The following UBE2F variants were observed in gnomAD, a reference collection of about 807,000 sequenced individuals.
UBE2F encodes the protein NEDD8-conjugating enzyme UBE2F.
Under a neutral mutation model 29.6 loss-of-function variants are expected in UBE2F, and 5 were observed. The ratio of observed to expected loss-of-function variants is 0.17; its 90% CI spans 0.09 to 0.36. The LOEUF (loss-of-function observed/expected upper bound fraction) is 0.36, where lower values mean the gene tolerates loss of function less well. Ranked by LOEUF, UBE2F falls within the 10% of genes least tolerant of loss-of-function variation. UBE2F has a pLI of 1.00. For synonymous variants in UBE2F, 66 were observed against 81.8 expected (o/e 0.81, Z 1.04); for missense variants, 141 against 228.5 (o/e 0.62, Z 2.47).
At chr2:238,026,724 C>T (rs374662347) in intron 6 of UBE2F, among the ~76,000 whole-genome samples, 1 of 152,180 alleles carries the variant, frequency 6.6e-6, no homozygotes, top group African/African-American at 2.4e-5. Flanking sequence ...TGAGCCACCG[C>T]GCCGGGCCGG....
At chr2:237,972,994 A>T (rs1388097404) in intron 1 of UBE2F, 98 bp from the exon 2 acceptor site, 59 of 1,381,318 alleles carry the variant, frequency 4.3e-5, no homozygotes, top group Non-Finnish European at 5.5e-5. Context: ...AAATTGTGGG[A>T]AAAAATCAAA....
Position 237,987,852 on chromosome 2 carries a change from C to CATTTTT in UBE2F, c.119-111_119-110insATTTTT, listed in dbSNP as rs59213280. The CATTTTT allele has an allele frequency of 6.1e-4, 319 of 519,796 alleles. 71 individuals carry two copies. Among genetic ancestry groups the CATTTTT allele is most frequent in the African/African-American group, 1.7e-3 (78 of 46,556 alleles). The allele number at this position is 519,796 out of a possible 1,614,324, so 32.2% of individuals were successfully genotyped here. ...TAGACCAGGTTTTATTCAGTTCATC[C>CATTTTT]TTTTTTTTTTTTTTTTGATTCAGTG... On this transcript the variant is annotated intron_variant, in intron 2 of 9. Coordinates refer to ENST00000272930, the MANE Select transcript of UBE2F (RefSeq NM_080678.3).
In UBE2F at chr2:238,030,480, C is replaced by T. The variant is rs911169655; in HGVS notation, c.354-76C>T. Reference sequence around the variant, plus strand: ...AAGTAGAGCTCCTGCATGGCACACACCGAGAGGACTAGTTGGCAGCGTGCA... The same window carrying T: ...AAGTAGAGCTCCTGCATGGCACACATCGAGAGGACTAGTTGGCAGCGTGCA... On this transcript the variant is annotated intron_variant, in intron 6 of 9. Transcript: ENST00000272930. 1.0e-4 allele frequency: 101 copies of T among 1,007,164 alleles called. 2 individuals are homozygous for T. In the African/African-American group the frequency reaches 1.6e-3, roughly 16 times the overall value. The allele number at this position is 1,007,164 out of a possible 1,614,324, so 62.4% of individuals were successfully genotyped here.
intron 4 of UBE2F, among the ~76,000 whole-genome samples, chr2:238,006,515 T>G (rs892647555): frequency 1.3e-5 from 2 of 152,248 alleles, no homozygotes; most frequent in African/African-American, 4.8e-5. Flanking sequence ...TTTTGTATAG[T>G]GACCTTGTGT....
intron 3 of UBE2F, among the ~76,000 whole-genome samples, chr2:237,991,605 C>CTTTTTTTTT (rs1559207747): frequency 1.6e-4 from 4 of 24,984 alleles, no homozygotes; most frequent in Non-Finnish European, 2.3e-4. Flanking sequence ...TCTTTTCTTT[C>CTTTTTTTTT]TTTCTTTTTT....
chr2:237,999,770 A>G (rs4663827), intron 4 of UBE2F, among the ~76,000 whole-genome samples: 63,305 of 150,884 alleles, frequency 0.42, 13,535 homozygotes, highest in East Asian at 0.71. Context: ...TCGTAGCTTT[A>G]TATAGTACTT....
rs1261731965 is a variant in UBE2F at position 238,041,718 on chromosome 2, T to G, written c.*380T>G. On this transcript the variant is annotated 3_prime_UTR_variant, in exon 10 of 10. Coordinates refer to ENST00000272930, the MANE Select transcript of UBE2F (RefSeq NM_080678.3). The stretch of plus-strand genomic sequence containing the variant: ...TGGTTTTCTGCACAAGCGATGCTAA[T>G]GATGTGTTCAGTGTAACTCGCAGAT... 2 of 199,572 alleles carry G rather than the reference T, an allele frequency of 1.0e-5. No homozygotes were observed. The highest frequency in any genetic ancestry group is 4.7e-5 in the African/African-American group (2 of 42,826). 12.4% of individuals were successfully genotyped at this position (199,572 alleles called of 1,614,324 possible).
At chr2:238,025,834 GT>G (rs2064414458) in intron 6 of UBE2F, among the ~76,000 whole-genome samples, 1 of 152,208 alleles carries the variant, frequency 6.6e-6, no homozygotes, top group African/African-American at 2.4e-5. Flanking sequence ...TTGGGCACTT[GT>G]ATTTAAGCTG....
chr2:238,038,524 T>C (rs1035554100), intron 9 of UBE2F, among the ~76,000 whole-genome samples: 2 of 152,206 alleles, frequency 1.3e-5, no homozygotes, highest in African/African-American at 4.8e-5. Context: ...GACTAGCCCT[T>C]GTGGACCAAG....
In UBE2F at chr2:237,982,028, T is replaced by C. The variant is rs1324889013; in HGVS notation, c.119-5935T>C. 6.6e-6 allele frequency among the ~76,000 whole-genome samples: 1 copy of C among 152,124 alleles called. No homozygotes were observed. The highest frequency in any genetic ancestry group is 1.9e-4 in the East Asian group (1 of 5,196). On this transcript the variant is annotated intron_variant, in intron 2 of 9. Transcript: ENST00000272930. The surrounding 1 kb of genome is among the most constrained non-coding windows in gnomAD (Gnocchi z 4.1). Reference sequence around the variant, plus strand: ...TTTTAAAAGCTCAGCAGGTACTGGATTGTGGTAATGGATCCATAGCTCCAA... The same window carrying C: ...TTTTAAAAGCTCAGCAGGTACTGGACTGTGGTAATGGATCCATAGCTCCAA...
At chr2:238,025,227 C>T in intron 5 of UBE2F, 115 bp from the exon 6 acceptor site, 1 of 869,148 alleles carries the variant, frequency 1.2e-6, no homozygotes, top group Non-Finnish European at 1.9e-6. Context: ...TCAAACTGCA[C>T]ACTGAGTCAG....
intron 9 of UBE2F, among the ~76,000 whole-genome samples, 181 bp from the exon 10 acceptor site, chr2:238,041,107 G>C (rs1182724750): frequency 1.3e-5 from 2 of 152,158 alleles, no homozygotes; most frequent in Non-Finnish European, 2.9e-5. Context: ...CTTGCGTGCA[G>C]TAGGCACCCA....
At chr2:237,992,882 G>C (rs2063618652) in intron 3 of UBE2F, among the ~76,000 whole-genome samples, 1 of 151,834 alleles carries the variant, frequency 6.6e-6, no homozygotes, top group Admixed American at 6.6e-5. Context: ...GGTGGAACTT[G>C]TAAGAAAACT....
In UBE2F at chr2:237,967,303, G is replaced by T. The variant is rs1164694350; in HGVS notation, c.-17+171G>T. 2.7e-5 allele frequency among the ~76,000 whole-genome samples: 4 copies of T among 146,430 alleles called. No homozygotes were observed. The highest frequency in any genetic ancestry group is 6.1e-5 in the Non-Finnish European group (4 of 65,858). ...GGGCACCCGGACGCGAGGCCGAGCG[G>T]CGTGAATGGGAAGGGGCCGCGGGCC... On this transcript the variant is annotated intron_variant, in intron 1 of 9. Transcript: ENST00000272930. The surrounding 1 kb of genome is among the most constrained non-coding windows in gnomAD (Gnocchi z 6.3).
intron 6 of UBE2F, 126 bp downstream of exon 6, chr2:238,025,538 C>T (rs1268975690): frequency 2.7e-5 from 23 of 854,498 alleles, no homozygotes; most frequent in Non-Finnish European, 4.0e-5. Context: ...GGCTTGAACT[C>T]AGCTGAAGTA....
chr2:237,995,643 G>T (rs979238941), intron 4 of UBE2F, among the ~76,000 whole-genome samples: 13 of 152,184 alleles, frequency 8.5e-5, no homozygotes, highest in Non-Finnish European at 1.8e-4. Flanking sequence ...CAGGATTTTG[G>T]TAGGTGGCAA....
At chr2:238,009,235 A>G (rs2063966099) in intron 4 of UBE2F, among the ~76,000 whole-genome samples, 1 of 152,180 alleles carries the variant, frequency 6.6e-6, no homozygotes. Flanking sequence ...CTTGGGGTTT[A>G]TTAAGCTTTT....
At position 237,967,173 on chromosome 2, in the gene UBE2F, G is replaced by C; in HGVS notation, c.-17+41G>C. On this transcript the variant is annotated intron_variant, in intron 1 of 9. Coordinates refer to ENST00000272930, the MANE Select transcript of UBE2F (RefSeq NM_080678.3). This position sits in a 1 kb window ranked among gnomAD's most constrained non-coding sequence, Gnocchi z 6.3. ...GCGGCTCTGCGGCGGGGCGAGGTGC[G>C]GCCGCCGGTGCACGGGCTGGCCTGC... The C allele has an allele frequency of 8.7e-7, 1 of 1,149,802 alleles. No individual in the cohort carries two copies. The highest frequency in any genetic ancestry group is 1.1e-6 in the Non-Finnish European group (1 of 935,254). The allele number at this position is 1,149,802 out of a possible 1,614,324, so 71.2% of individuals were successfully genotyped here.
chr2:238,032,383 C>T (rs1391435857), intron 8 of UBE2F, 129 bp downstream of exon 8: 8 of 784,000 alleles, frequency 1.0e-5, no homozygotes, highest in African/African-American at 6.9e-5. Flanking sequence ...CACAGTGGCT[C>T]ACGCCTGTAA....
Sources: gnomAD v4.1 joint callset for allele counts (sites outside exome capture counted in the v4.1 genomes callset) on GRCh38, gnomAD v4.1.1 for gene constraint, Gnocchi (gnomAD v3.1) non-coding constraint, MANE v1.5 for transcripts, NCBI Gene and HGNC (gene_info 2026-07-23, HGNC 2026-07-21) for gene names.